The following SH3RF2 variants were observed in gnomAD, a reference collection of about 807,000 sequenced individuals.
SH3RF2 encodes SH3 domain containing ring finger 2.
SH3RF2 carries 43 observed loss-of-function variants against 59.0 expected under a neutral mutation model. The observed-to-expected ratio is 0.73, with a 90% CI of 0.57 to 0.94. The LOEUF (loss-of-function observed/expected upper bound fraction) is 0.94, where lower values mean the gene tolerates loss of function less well. SH3RF2 is among the 40% of genes least tolerant of loss of function. The pLI is 0.00. For missense variants in SH3RF2, 930 were observed against 940.1 expected, an observed-to-expected ratio of 0.99 and a Z score of 0.14; for synonymous variants, 391 against 391.5, an observed-to-expected ratio of 1.00 and a Z score of 0.01.
intron 2 of SH3RF2, among the ~76,000 whole-genome samples, chr5:145,992,304 G>A (rs1759970188): frequency 6.6e-6 from 1 of 152,124 alleles, no homozygotes; most frequent in Admixed American, 6.5e-5. Context: ...AACCTGGGAG[G>A]TTGAGGCTAC....
chr5:146,059,806 C>A, intron 8 of SH3RF2, 60 bp from the exon 9 acceptor site: 1 of 1,276,924 alleles, frequency 7.8e-7, no homozygotes, highest in East Asian at 2.7e-5. Flanking sequence ...CTTACCCAGC[C>A]CCACCCAACC....
At chr5:146,023,501 G>A (rs1451843838) in intron 5 of SH3RF2, among the ~76,000 whole-genome samples, 1 of 152,214 alleles carries the variant, frequency 6.6e-6, no homozygotes, top group African/African-American at 2.4e-5. Flanking sequence ...GAGCCACTGA[G>A]GCTGGCCTCC....
At chr5:146,062,072 A>G (rs1375231838) in intron 9 of SH3RF2, among the ~76,000 whole-genome samples, 1 of 152,178 alleles carries the variant, frequency 6.6e-6, no homozygotes, top group African/African-American at 2.4e-5. Context: ...TAGAGAGGAG[A>G]GAGGCAAGGT....
At chr5:145,990,159 G>T (rs889382895) in intron 2 of SH3RF2, among the ~76,000 whole-genome samples, 3 of 152,060 alleles carry the variant, frequency 2.0e-5, no homozygotes, top group Non-Finnish European at 4.4e-5. Context: ...AGATTTTATT[G>T]TCAGGGCTCT....
At chr5:146,049,792 C>T (rs1325305817) in intron 7 of SH3RF2, among the ~76,000 whole-genome samples, 3 of 152,118 alleles carry the variant, frequency 2.0e-5, no homozygotes, top group African/African-American at 7.2e-5. Context: ...CCTCCCTCAC[C>T]GCTTTTCCCG....
intron 5 of SH3RF2, among the ~76,000 whole-genome samples, chr5:146,040,574 A>G (rs1762091563): frequency 6.6e-6 from 1 of 152,066 alleles, no homozygotes; most frequent in Non-Finnish European, 1.5e-5. Context: ...CTACTTGGGA[A>G]CTGTAAATTC....
chr5:146,034,143 C>A (rs1298706355), intron 5 of SH3RF2, among the ~76,000 whole-genome samples: 4 of 152,218 alleles, frequency 2.6e-5, no homozygotes, highest in Admixed American at 1.3e-4. Context: ...CTTTTTAGCA[C>A]AATGAGATAA....
chr5:146,041,623 A>G (rs1462785738), intron 5 of SH3RF2, among the ~76,000 whole-genome samples: 3 of 152,054 alleles, frequency 2.0e-5, no homozygotes, highest in Non-Finnish European at 4.4e-5. Flanking sequence ...ACCAATACCT[A>G]ATTTTCTATC....
exon 10 of SH3RF2, chr5:146,079,101 G>C (rs997922923): frequency 1.3e-5 from 2 of 151,964 alleles, no homozygotes; most frequent in African/African-American, 4.8e-5. Context: ...AGAAAATAAA[G>C]ACCTGGTACA....
Position 146,049,722 on chromosome 5 carries a change from C to A in SH3RF2, c.1322+477C>A, listed in dbSNP as rs551430930. Among the ~76,000 whole-genome samples the A allele has an allele frequency of 1.3e-3, 203 of 152,214 alleles. 1 individual carries two copies. Among genetic ancestry groups the A allele is most frequent in the Middle Eastern group, 0.01 (3 of 294 alleles). ...GACCCCTAATCAGAGTTTCCATGAA[C>A]TGAGACCCCTACCTCTTCCTCCACA... On this transcript the variant is annotated intron_variant, in intron 7 of 9. Transcript: ENST00000359120.
At chr5:146,021,627 CTCTTAAATT>C (rs1240660840) in intron 5 of SH3RF2, among the ~76,000 whole-genome samples, 1 of 152,204 alleles carries the variant, frequency 6.6e-6, no homozygotes, top group African/African-American at 2.4e-5. Flanking sequence ...CTTAAACTTT[CTCTTAAATT>C]ACCAGTTAAG....
intron 4 of SH3RF2, among the ~76,000 whole-genome samples, chr5:146,013,354 T>C (rs898311121): frequency 6.6e-6 from 1 of 152,052 alleles, no homozygotes; most frequent in African/African-American, 2.4e-5. Flanking sequence ...GAAGGACAAG[T>C]GGCCAACCCA....
intron 8 of SH3RF2, among the ~76,000 whole-genome samples, chr5:146,056,959 C>G (rs1176530390): frequency 6.6e-6 from 1 of 152,176 alleles, no homozygotes; most frequent in East Asian, 1.9e-4. Context: ...ATTTCCTTTT[C>G]AGGCATTGTA....
At chr5:146,002,480 GGAAGGA>G (rs1760460015) in intron 3 of SH3RF2, among the ~76,000 whole-genome samples, 1 of 117,640 alleles carries the variant, frequency 8.5e-6, no homozygotes, top group South Asian at 3.6e-4. Context: ...AAGGAAGGAA[GGAAGGA>G]AGGAAGGAAG....
intron 5 of SH3RF2, among the ~76,000 whole-genome samples, chr5:146,044,450 A>G (rs750963971): frequency 1.3e-5 from 2 of 152,070 alleles, no homozygotes; most frequent in Non-Finnish European, 2.9e-5. Context: ...CATTCTCATC[A>G]GTGTGTAGTG....
chr5:145,988,056 G>C (rs1759784921), intron 2 of SH3RF2, among the ~76,000 whole-genome samples: 1 of 152,158 alleles, frequency 6.6e-6, no homozygotes, highest in Non-Finnish European at 1.5e-5. Flanking sequence ...GTCAGCAGTG[G>C]AAAAAGGCAC....
chr5:146,049,019 GC>G, intron 6 of SH3RF2, 55 bp from the exon 7 acceptor site: 2 of 1,598,406 alleles, frequency 1.3e-6, no homozygotes, highest in South Asian at 1.1e-5. Flanking sequence ...CCCACTCCAT[GC>G]CCCCCATCAG....
intron 2 of SH3RF2, among the ~76,000 whole-genome samples, chr5:145,993,484 T>C (rs1275122661): frequency 1.3e-5 from 2 of 152,242 alleles, no homozygotes; most frequent in African/African-American, 4.8e-5. Flanking sequence ...AAATTCTGCC[T>C]GGACATCCAG....
intron 2 of SH3RF2, among the ~76,000 whole-genome samples, chr5:145,986,728 T>C (rs994157399): frequency 2.0e-5 from 3 of 152,186 alleles, no homozygotes; most frequent in East Asian, 1.9e-4. Flanking sequence ...GATATGGCTC[T>C]AGACATATCT....
Sources: allele counts gnomAD v4.1 joint callset (sites outside exome capture counted in the v4.1 genomes callset), GRCh38; gene constraint gnomAD v4.1.1; transcripts MANE v1.5; gene names NCBI Gene and HGNC (gene_info 2026-07-23, HGNC 2026-07-21).